Variants in ARTN observed in about 807,000 individuals in gnomAD.
The protein encoded by ARTN is artemin, also known as neublastin.
ARTN carries 9 observed loss-of-function variants against 15.4 expected under a neutral mutation model. The observed-to-expected ratio is 0.58, with a 90% CI of 0.35 to 1.02. The LOEUF is 1.02. ARTN is among the 50% of genes least tolerant of loss of function. ARTN has a pLI of 0.02. For synonymous variants in ARTN, 163 were observed against 155.8 expected, an observed-to-expected ratio of 1.05 and a Z score of -0.35; for missense variants, 284 against 327.9, an observed-to-expected ratio of 0.87 and a Z score of 1.03.
chr1:43,937,009 C>A lies in ARTN; in HGVS notation c.*244C>A. 1 of 427,070 alleles carries A rather than the reference C, an allele frequency of 2.3e-6. No homozygotes were observed. The highest frequency in any genetic ancestry group is 3.8e-6 in the Non-Finnish European group (1 of 261,516). The allele number at this position is 427,070 out of a possible 1,614,324, so 26.5% of individuals were successfully genotyped here. The stretch of plus-strand genomic sequence containing the variant: ...GACACCAGAGACCTCAGCTATGGAG[C>A]CCTTCGGACCCACTTCTCACAGACT... On this transcript the variant is annotated 3_prime_UTR_variant, in exon 5 of 5. Transcript: ENST00000372359.
In ARTN at chr1:43,937,090, G is replaced by T. The variant is rs965696296; in HGVS notation, c.*325G>T. 1.9e-5 allele frequency: 5 copies of T among 259,776 alleles called. No homozygotes were observed. The highest frequency in any genetic ancestry group is 1.1e-4 in the African/African-American group (5 of 45,340). The allele number at this position is 259,776 out of a possible 1,614,324, so 16.1% of individuals were successfully genotyped here. ...CCCTCCTCTGATGAACACTACAGTG[G>T]CTGAGGCATCAGCCCCCGCCCAGGC... On this transcript the variant is annotated 3_prime_UTR_variant, in exon 5 of 5. Coordinates refer to ENST00000372359, the MANE Select transcript of ARTN (RefSeq NM_057091.3).
At chr1:43,935,465 G>T in intron 2 of ARTN, 125 bp from the exon 3 acceptor site, 1 of 606,468 alleles carries the variant, frequency 1.6e-6, no homozygotes, top group Non-Finnish European at 2.9e-6. Flanking sequence ...CACATAGTAA[G>T]GTTCCCAGTG....
intron 2 of ARTN, among the ~76,000 whole-genome samples, chr1:43,935,004 T>C (rs2085076501): frequency 1.3e-5 from 2 of 152,278 alleles, no homozygotes; most frequent in Middle Eastern, 3.4e-3. Flanking sequence ...GGCTCTGTGG[T>C]CATCGAGGGA....
rs373730001 is a variant in ARTN at position 43,935,685 on chromosome 1, C to T, written c.29C>T (p.Thr10Met). The change falls in exon 3 of 5, where the codon ACG (threonine) becomes ATG (methionine). Residue 10 changes from threonine to methionine, a missense_variant. Coordinates refer to ENST00000372359, the MANE Select transcript of ARTN (RefSeq NM_057091.3). MELGLGGLS[T>M]LSHCPWPRQQ... ...GAACTTGGACTTGGAGGCCTCTCCA[C>T]GCTGTCCCACTGCCCCTGGCCTAGG... 16 of 1,613,308 alleles carry T rather than the reference C, an allele frequency of 9.9e-6. No individual in the cohort carries two copies. The highest frequency in any genetic ancestry group is 2.2e-5 in the South Asian group (2 of 90,918).
chr1:43,934,400 G>A (rs2085070052), intron 2 of ARTN, 140 bp downstream of exon 2: 1 of 152,578 alleles, frequency 6.6e-6, no homozygotes, highest in Non-Finnish European at 1.5e-5. Context: ...GGCTCCTAAG[G>A]CTGCCCTGCC....
rs1228595145 is a variant in ARTN at position 43,936,248 on chromosome 1, G to GGGGGC, written c.199+28_199+32dup. On this transcript the variant is annotated intron_variant, in intron 4 of 4. Transcript: ENST00000372359. The surrounding 1 kb of genome is among the most constrained non-coding windows in gnomAD (Gnocchi z 6.6). Reference sequence around the variant, plus strand: ...ACCTGCCGGGTAGGTGAGAGGGCGAGGGGGCGGGGCGGGGCTGGCCCGGGA... The same window carrying GGGGGC: ...ACCTGCCGGGTAGGTGAGAGGGCGAGGGGGCGGGGCGGGGCGGGGCTGGCCCGGGA... 60 of 1,430,934 alleles carry GGGGGC rather than the reference G, an allele frequency of 4.2e-5. No individual in the cohort carries two copies. Among genetic ancestry groups the GGGGGC allele is most frequent in the Non-Finnish European group, 5.1e-5 (56 of 1,103,102 alleles). The allele number at this position is 1,430,934 out of a possible 1,614,324, so 88.6% of individuals were successfully genotyped here. A position where few individuals can be genotyped will look rare whatever the true frequency, so the allele number is the denominator to read the frequency against.
Position 43,936,389 on chromosome 1 carries a change from C to T in ARTN, c.287C>T (p.Pro96Leu). 10 of 1,237,648 alleles carry T rather than the reference C, an allele frequency of 8.1e-6. No homozygotes were observed. The highest frequency in any genetic ancestry group is 9.1e-6 in the Non-Finnish European group (9 of 991,998). 76.7% of individuals were successfully genotyped at this position (1,237,648 alleles called of 1,614,324 possible). Reference sequence around the variant, plus strand: ...CCCGCGCCCCCGCCGCCTGCACCCCCATCTGCTCTTCCCCGCGGGGGCCGC... The same window carrying T: ...CCCGCGCCCCCGCCGCCTGCACCCCTATCTGCTCTTCCCCGCGGGGGCCGC... ...SRPAPPPPAP[P>L]SALPRGGRAA... The change falls in exon 5 of 5, where the codon CCA becomes CTA. Residue 96 changes from proline (P) to leucine (L), a missense_variant. Physicochemically the swap from Pro to Leu is moderately conservative, Grantham distance 98 (BLOSUM62 -3). Transcript: ENST00000372359. This position sits in a 1 kb window ranked among gnomAD's most constrained non-coding sequence, Gnocchi z 6.6.
intron 3 of ARTN, 162 bp from the exon 4 acceptor site, chr1:43,935,931 T>C (rs2085086851): frequency 2.8e-6 from 3 of 1,055,826 alleles, no homozygotes; most frequent in Admixed American, 2.1e-5. Flanking sequence ...AAACCCATTA[T>C]ACTGGAACCT....
rs2085105061 is a variant in ARTN, at chr1:43,936,824, C to G, written c.*59C>G. The stretch of plus-strand genomic sequence containing the variant: ...TACCGGTGGCTCTTCCTGCCTGGGA[C>G]CCTCCCGCAGAGTCCCACTAGCCAG... On this transcript the variant is annotated 3_prime_UTR_variant, in exon 5 of 5. Transcript: ENST00000372359. This position sits in a 1 kb window ranked among gnomAD's most constrained non-coding sequence, Gnocchi z 6.6. The G allele has an allele frequency of 2.9e-6, 4 of 1,370,022 alleles. No homozygotes were observed. The highest frequency in any genetic ancestry group is 3.8e-6 in the Non-Finnish European group (4 of 1,054,922). The allele number at this position is 1,370,022 out of a possible 1,614,324, so 84.9% of individuals were successfully genotyped here.
chr1:43,935,686 G>A lies in ARTN; in HGVS notation c.30G>A (p.Thr10=), dbSNP rs780368775. MELGLGGLS[T]LSHCPWPRQQ... Reference sequence around the variant, plus strand: ...AACTTGGACTTGGAGGCCTCTCCACGCTGTCCCACTGCCCCTGGCCTAGGC... The same window carrying A: ...AACTTGGACTTGGAGGCCTCTCCACACTGTCCCACTGCCCCTGGCCTAGGC... Residue 10 remains threonine (T), a synonymous_variant, in exon 3 of 5, where the codon ACG becomes ACA. Transcript: ENST00000372359. The A allele has an allele frequency of 5.0e-6, 8 of 1,613,272 alleles. No homozygotes were observed. The highest frequency in any genetic ancestry group is 3.3e-5 in the South Asian group (3 of 90,936).
rs1398810767 is a variant in ARTN at position 43,936,988 on chromosome 1, C to A, written c.*223C>A. The A allele has an allele frequency of 1.8e-6, 1 of 543,030 alleles. No homozygotes were observed. The highest frequency in any genetic ancestry group is 2.8e-6 in the Non-Finnish European group (1 of 359,506). The allele number at this position is 543,030 out of a possible 1,614,324, so 33.6% of individuals were successfully genotyped here. ...CCTGCGGATCCCAGCCTAAAAGACACCAGAGACCTCAGCTATGGAGCCCTT... is the reference window on the plus strand; with the variant it reads ...CCTGCGGATCCCAGCCTAAAAGACAACAGAGACCTCAGCTATGGAGCCCTT... On this transcript the variant is annotated 3_prime_UTR_variant, in exon 5 of 5. Coordinates refer to ENST00000372359, the MANE Select transcript of ARTN (RefSeq NM_057091.3). The surrounding 1 kb of genome is among the most constrained non-coding windows in gnomAD (Gnocchi z 6.6).
rs182351587 is a variant in ARTN at position 43,935,946 on chromosome 1, C to T, written c.61-147C>T. The T allele has an allele frequency of 1.5e-4, 171 of 1,163,202 alleles. 1 individual carries two copies. In the African/African-American group the frequency reaches 2.0e-3, roughly 14 times the overall value. 72.1% of individuals were successfully genotyped at this position (1,163,202 alleles called of 1,614,324 possible). On this transcript the variant is annotated intron_variant, in intron 3 of 4. Transcript: ENST00000372359. The stretch of plus-strand genomic sequence containing the variant: ...AAACCCATTATACTGGAACCTAGGC[C>T]CTTCCTGAGTTTCCCCTCCACACAG...
chr1:43,935,655 A>C lies in ARTN; in HGVS notation c.-2A>C. On this transcript the variant is annotated 5_prime_UTR_variant, in exon 3 of 5. Transcript: ENST00000372359. ...TGATGGGCGCTCCTGGTGTTGATAG[A>C]GATGGAACTTGGACTTGGAGGCCTC... The C allele has an allele frequency of 6.2e-7, 1 of 1,613,516 alleles. No homozygotes were observed. Among genetic ancestry groups the C allele is most frequent in the Non-Finnish European group, 8.5e-7 (1 of 1,179,740 alleles).
rs1272900438 is a variant in ARTN at position 43,936,599 on chromosome 1, C to G, written c.497C>G (p.Ala166Gly). The change falls in exon 5 of 5, where the codon GCC (alanine) becomes GGC (glycine). Residue 166 changes from alanine to glycine, a missense_variant. Ala to Gly is a moderately conservative substitution (Grantham distance 60). Coordinates refer to ENST00000372359, the MANE Select transcript of ARTN (RefSeq NM_057091.3). The surrounding 1 kb of genome is among the most constrained non-coding windows in gnomAD (Gnocchi z 6.6). ...RARSPHDLSL[A>G]SLLGAGALRP... ...CGCTCTCCACACGACCTCAGCCTGG[C>G]CAGCCTACTGGGCGCCGGGGCCCTG... 1.1e-5 allele frequency: 18 copies of G among 1,589,170 alleles called. No homozygotes were observed. Among genetic ancestry groups the G allele is most frequent in the Non-Finnish European group, 1.5e-5 (18 of 1,169,278 alleles).
At position 43,935,819 on chromosome 1, in the gene ARTN, GAA is replaced by G; in HGVS notation, c.60+106_60+107del. 3.3e-6 allele frequency: 4 copies of G among 1,205,396 alleles called. No individual in the cohort carries two copies. In the South Asian group the frequency reaches 4.2e-5, roughly 13 times the overall value. The allele number at this position is 1,205,396 out of a possible 1,614,324, so 74.7% of individuals were successfully genotyped here. On this transcript the variant is annotated intron_variant, in intron 3 of 4. Coordinates refer to ENST00000372359, the MANE Select transcript of ARTN (RefSeq NM_057091.3). ...TTGGGCAGCGGTTAGGTGTGGGAGG[GAA>G]AATGGTCAGGGAGGGACCAGGTGAA...
rs974499059 is a variant in ARTN, at chr1:43,933,816, G to C, written c.-286G>C. ...CCCGGCCCCCAGACAAGGCCCGGGG[G>C]CTCCGCCAGCAGCAGGTCCCTCGGG... is the stretch of plus-strand genomic sequence containing the variant. On this transcript the variant is annotated 5_prime_UTR_variant, in exon 1 of 5. Coordinates refer to ENST00000372359, the MANE Select transcript of ARTN (RefSeq NM_057091.3). The C allele has an allele frequency of 6.6e-6, 1 of 152,348 alleles. No individual in the cohort carries two copies. Among genetic ancestry groups the C allele is most frequent in the Non-Finnish European group, 1.5e-5 (1 of 68,058 alleles). 9.4% of individuals were successfully genotyped at this position (152,348 alleles called of 1,614,324 possible).
Position 43,934,181 on chromosome 1 carries a change from T to A in ARTN, c.-147T>A, listed in dbSNP as rs558731284. ...ACTGCCAGGTGTACAGTCCTGGGCA[T>A]GCGCTGTTTGAGCTTCGGGGGAGAG... On this transcript the variant is annotated 5_prime_UTR_variant, in exon 2 of 5. An upstream start codon of the reference 5' UTR is lost. Coordinates refer to ENST00000372359, the MANE Select transcript of ARTN (RefSeq NM_057091.3). 6.5e-6 allele frequency: 1 copy of A among 152,948 alleles called. No homozygotes were observed. Among genetic ancestry groups the A allele is most frequent in the East Asian group, 1.9e-4 (1 of 5,192 alleles). 9.5% of individuals were successfully genotyped at this position (152,948 alleles called of 1,614,324 possible). A position where few individuals can be genotyped will look rare whatever the true frequency, so the allele number is the denominator to read the frequency against.
Position 43,936,842 on chromosome 1 carries a change from C to T in ARTN, c.*77C>T. ...CCTGGGACCCTCCCGCAGAGTCCCACTAGCCAGCGGCCTCAGCCAGGGACG... is the reference window on the plus strand; with the variant it reads ...CCTGGGACCCTCCCGCAGAGTCCCATTAGCCAGCGGCCTCAGCCAGGGACG... On this transcript the variant is annotated 3_prime_UTR_variant, in exon 5 of 5. Transcript: ENST00000372359. This position sits in a 1 kb window ranked among gnomAD's most constrained non-coding sequence, Gnocchi z 6.6. 1 of 1,335,066 alleles carries T rather than the reference C, an allele frequency of 7.5e-7. No individual in the cohort carries two copies. Among genetic ancestry groups the T allele is most frequent in the Middle Eastern group, 2.6e-4 (1 of 3,912 alleles). 82.7% of individuals were successfully genotyped at this position (1,335,066 alleles called of 1,614,324 possible). A position where few individuals can be genotyped will look rare whatever the true frequency, so the allele number is the denominator to read the frequency against.
At chr1:43,934,450 C>A (rs563584112) in intron 2 of ARTN, 190 bp downstream of exon 2, 1 of 152,472 alleles carries the variant, frequency 6.6e-6, no homozygotes, top group East Asian at 1.9e-4. Context: ...ACTGGCCTGG[C>A]TCGGAGGCCT....
Sources: gnomAD v4.1 joint callset for allele counts (sites outside exome capture counted in the v4.1 genomes callset) on GRCh38, gnomAD v4.1.1 for gene constraint, Gnocchi (gnomAD v3.1) non-coding constraint, MANE v1.5 for transcripts, NCBI Gene and HGNC (gene_info 2026-07-23, HGNC 2026-07-21) for gene names.